Variants in FNDC3B observed in about 807,000 individuals in gnomAD.
The protein encoded by FNDC3B is fibronectin type III domain containing 3B.
In FNDC3B, 12 loss-of-function variants were observed where a neutral mutation model predicts 151.5. The observed-to-expected ratio is 0.08, with a 90% confidence interval of 0.05 to 0.13. The LOEUF is 0.13. FNDC3B is among the 10% of genes least tolerant of loss of function. The probability of loss-of-function intolerance (pLI) is 1.00; values close to 1 mark genes in which losing one functional copy is unlikely to be tolerated. For missense variants in FNDC3B, 1,214 were observed against 1,505.3 expected, an observed-to-expected ratio of 0.81 and a Z score of 3.20; for synonymous variants, 528 against 549.0, an observed-to-expected ratio of 0.96 and a Z score of 0.54.
At position 172,397,348 on chromosome 3, in the gene FNDC3B, G is replaced by C. The variant is rs1374801178; in HGVS notation, c.3488G>C (p.Ser1163Thr). ...GTCATGCTTACAGGGGACATGGGGA[G>C]CTTAGATGATCCCAAAATGAAGAGC... ...SEVMLTGDMG[S>T]LDDPKMKSMM... The change falls in exon 26 of 26, where the codon AGC becomes ACC. Residue 1163 changes from serine to threonine, a missense_variant. By Grantham distance (58) the Ser-to-Thr change is moderately conservative. This residue lies in a region of FNDC3B where 284 missense variants were observed against 392.4 expected (regional missense o/e 0.72). Coordinates refer to ENST00000415807, the MANE Select transcript of FNDC3B (RefSeq NM_022763.4). 6.2e-6 allele frequency: 10 copies of C among 1,614,032 alleles called. No individual in the cohort carries two copies. In the East Asian group the frequency reaches 1.1e-4, roughly 18 times the overall value.
chr3:172,318,788 G>A (rs1257508859), intron 11 of FNDC3B, among the ~76,000 whole-genome samples: 1 of 152,158 alleles, frequency 6.6e-6, no homozygotes, highest in African/African-American at 2.4e-5. Context: ...GGAAAGTGGG[G>A]TTCTAAGTTC....
chr3:172,344,204 C>G lies in FNDC3B; in HGVS notation c.2196C>G (p.Asn732Lys). ...HGPELECTVG[N>K]LLPGTVYRFR... is the part of the protein sequence containing the mutation. ...CAGAGCTGGAGTGCACCGTCGGCAA[C>G]CTGCTTCCTGGAACCGTGTATCGCT... The change falls in exon 19 of 26, where the codon AAC becomes AAG. Residue 732 changes from asparagine to lysine, a missense_variant. By Grantham distance (94) the Asn-to-Lys change is moderately conservative. This residue lies in a region of FNDC3B where 380 missense variants were observed against 420.9 expected (regional missense o/e 0.90). Coordinates refer to ENST00000415807, the MANE Select transcript of FNDC3B (RefSeq NM_022763.4). 1 of 1,614,108 alleles carries G rather than the reference C, an allele frequency of 6.2e-7. No homozygotes were observed. The highest frequency in any genetic ancestry group is 2.2e-5 in the East Asian group (1 of 44,880).
At chr3:172,365,356 C>CT (rs1375873508) in intron 23 of FNDC3B, among the ~76,000 whole-genome samples, 1 of 152,164 alleles carries the variant, frequency 6.6e-6, no homozygotes, top group Non-Finnish European at 1.5e-5. Flanking sequence ...GTAAGTTCTT[C>CT]TTATGCATGT....
intron 4 of FNDC3B, among the ~76,000 whole-genome samples, chr3:172,245,819 A>C (rs764091488): frequency 2.0e-5 from 3 of 152,242 alleles, no homozygotes; most frequent in Admixed American, 6.5e-5. Context: ...TGTCCTAGGC[A>C]TCTCACTAGG....
At chr3:172,235,214 G>A (rs1311465709) in intron 4 of FNDC3B, among the ~76,000 whole-genome samples, 1 of 151,994 alleles carries the variant, frequency 6.6e-6, no homozygotes, top group African/African-American at 2.4e-5. Flanking sequence ...TTATTATAAA[G>A]ATTAATATTT....
chr3:172,272,706 A>G (rs1729258047), intron 6 of FNDC3B, among the ~76,000 whole-genome samples: 1 of 151,848 alleles, frequency 6.6e-6, no homozygotes, highest in African/African-American at 2.4e-5. Context: ...CTTTCTTTCC[A>G]CTCTTAGTCT....
intron 21 of FNDC3B, among the ~76,000 whole-genome samples, chr3:172,350,234 T>G (rs1419926598): frequency 2.6e-5 from 4 of 152,238 alleles, no homozygotes; most frequent in Non-Finnish European, 5.9e-5. Context: ...ATCTTTACTG[T>G]AATTCTATGA....
At chr3:172,137,316 T>C (rs867388074) in intron 3 of FNDC3B, among the ~76,000 whole-genome samples, 2 of 152,184 alleles carry the variant, frequency 1.3e-5, no homozygotes, top group South Asian at 4.1e-4. Flanking sequence ...CAGAAGCTCA[T>C]TGTGATCTCA....
intron 6 of FNDC3B, among the ~76,000 whole-genome samples, chr3:172,268,873 C>A (rs1729049621): frequency 6.6e-6 from 1 of 152,146 alleles, no homozygotes; most frequent in South Asian, 2.1e-4. Context: ...ATATACCATG[C>A]CCTGCCAGTT....
intron 2 of FNDC3B, among the ~76,000 whole-genome samples, chr3:172,118,716 C>T (rs991189771): frequency 6.6e-6 from 1 of 152,198 alleles, no homozygotes; most frequent in African/African-American, 2.4e-5. Flanking sequence ...TCACATTCTT[C>T]AGCATCAAGA....
chr3:172,187,400 G>T (rs949947557), intron 3 of FNDC3B: 2 of 152,150 alleles, frequency 1.3e-5, no homozygotes, highest in Non-Finnish European at 2.9e-5. Flanking sequence ...TAGGGGTGTC[G>T]TGAGTCCTGT....
intron 6 of FNDC3B, among the ~76,000 whole-genome samples, chr3:172,264,166 A>G (rs1294086500): frequency 6.6e-6 from 1 of 151,820 alleles, no homozygotes; most frequent in East Asian, 1.9e-4. Flanking sequence ...CTTTTTATTT[A>G]TTTTATTTTT....
chr3:172,121,450 G>A (rs184371785), intron 2 of FNDC3B, among the ~76,000 whole-genome samples: 1 of 151,862 alleles, frequency 6.6e-6, no homozygotes, highest in South Asian at 2.1e-4. Flanking sequence ...AGGATTTGAG[G>A]CCCCCAATAA....
intron 6 of FNDC3B, among the ~76,000 whole-genome samples, chr3:172,272,704 C>A (rs1170862561): frequency 1.3e-5 from 2 of 152,158 alleles, no homozygotes; most frequent in African/African-American, 4.8e-5. Context: ...TTCTTTCTTT[C>A]CACTCTTAGT....
intron 1 of FNDC3B, among the ~76,000 whole-genome samples, chr3:172,057,006 G>C (rs1215623376): frequency 1.3e-5 from 2 of 152,154 alleles, no homozygotes; most frequent in Admixed American, 6.5e-5. Context: ...CTTAGTTACT[G>C]CAAGTGCTAC....
intron 1 of FNDC3B, among the ~76,000 whole-genome samples, chr3:172,046,168 A>C (rs967275017): frequency 6.6e-6 from 1 of 152,116 alleles, no homozygotes; most frequent in Non-Finnish European, 1.5e-5. Flanking sequence ...CTACATACAG[A>C]TGAGGATGTT....
At chr3:172,362,234 A>G (rs1456478653) in intron 22 of FNDC3B, among the ~76,000 whole-genome samples, 1 of 152,164 alleles carries the variant, frequency 6.6e-6, no homozygotes, top group Non-Finnish European at 1.5e-5. Flanking sequence ...TTTGACTCTG[A>G]AGGAGACTCA....
chr3:172,062,008 G>T (rs944988672), intron 1 of FNDC3B, among the ~76,000 whole-genome samples: 2 of 152,130 alleles, frequency 1.3e-5, no homozygotes, highest in African/African-American at 4.8e-5. Context: ...TCTGTTTAGG[G>T]ATACTAAGAA....
At chr3:172,102,223 A>G (rs1319826283) in intron 1 of FNDC3B, among the ~76,000 whole-genome samples, 2 of 152,174 alleles carry the variant, frequency 1.3e-5, no homozygotes, top group African/African-American at 2.4e-5. Flanking sequence ...CTTAGTTACT[A>G]TATTTGTAAA....
Sources: allele counts gnomAD v4.1 joint callset (sites outside exome capture counted in the v4.1 genomes callset), GRCh38; gene constraint gnomAD v4.1.1; regional missense constraint gnomAD v4.1.1; transcripts MANE v1.5; gene names NCBI Gene and HGNC (gene_info 2026-07-23, HGNC 2026-07-21).